Variants in RCSD1 observed in about 807,000 individuals in gnomAD.
The protein encoded by RCSD1 is capZ-interacting protein.
A neutral mutation model predicts 42.5 loss-of-function variants in RCSD1; 26 were observed. The observed-to-expected ratio is 0.61, with a 90% CI of 0.45 to 0.85. The LOEUF (loss-of-function observed/expected upper bound fraction) is 0.85, where lower values mean the gene tolerates loss of function less well. RCSD1 is among the 40% of genes least tolerant of loss of function. The pLI, the probability that RCSD1 is intolerant of heterozygous loss-of-function variation, is 0.00. For missense variants in RCSD1, 571 were observed against 528.3 expected (o/e 1.08, Z -0.79); for synonymous variants, 220 against 212.2 (o/e 1.04, Z -0.32).
intron 4 of RCSD1, among the ~76,000 whole-genome samples, chr1:167,693,470 A>G (rs1432320965): frequency 6.6e-6 from 1 of 152,082 alleles, no homozygotes; most frequent in Non-Finnish European, 1.5e-5. Flanking sequence ...GGCTCATACT[A>G]TGGTGTGTCC....
chr1:167,701,319 T>TA, intron 6 of RCSD1, among the ~76,000 whole-genome samples: 1 of 137,074 alleles, frequency 7.3e-6, no homozygotes, highest in Non-Finnish European at 1.6e-5. Context: ...TTTCTTTCTT[T>TA]TTTTTAGATG....
chr1:167,674,918 C>T (rs986413805), intron 1 of RCSD1, among the ~76,000 whole-genome samples: 2 of 152,090 alleles, frequency 1.3e-5, no homozygotes, highest in African/African-American at 4.8e-5. Context: ...CTAATAAAGA[C>T]ATATCCAGCC....
chr1:167,702,793 A>G (rs1213454361), intron 6 of RCSD1, among the ~76,000 whole-genome samples: 1 of 144,676 alleles, frequency 6.9e-6, no homozygotes, highest in Non-Finnish European at 1.5e-5. Context: ...TAAAATAAAT[A>G]CATAAATACA....
chr1:167,695,731 C>T (rs1224427717), intron 5 of RCSD1, among the ~76,000 whole-genome samples: 1 of 151,864 alleles, frequency 6.6e-6, no homozygotes, highest in African/African-American at 2.4e-5. Context: ...TGTCTTCAAC[C>T]AGGCTCCTGC....
chr1:167,700,981 A>G (rs1278393088), intron 6 of RCSD1, among the ~76,000 whole-genome samples: 1 of 152,200 alleles, frequency 6.6e-6, no homozygotes, highest in Non-Finnish European at 1.5e-5. Context: ...GGGAGGTCTC[A>G]GGTAGAAGAA....
chr1:167,697,744 G>T lies in RCSD1; in HGVS notation c.1120G>T (p.Gly374Trp), dbSNP rs146544065. The T allele has an allele frequency of 3.8e-6, 6 of 1,562,252 alleles. No individual in the cohort carries two copies. Among genetic ancestry groups the T allele is most frequent in the Non-Finnish European group, 5.2e-6 (6 of 1,156,200 alleles). Residue 374 changes from glycine to tryptophan, a missense_variant, in exon 6 of 7, where the codon GGG becomes TGG. Coordinates refer to ENST00000367854, the MANE Select transcript of RCSD1 (RefSeq NM_052862.4). The part of the protein sequence containing the change: ...QEKGKEKQQE[G>W]AVLEPGCSPQ... ...AAAAGGCAAGGAAAAACAACAGGAG[G>T]GGGCAGTGCTCGAGCCAGGCTGCAG...
intron 1 of RCSD1, among the ~76,000 whole-genome samples, chr1:167,633,030 T>A (rs1352534783): frequency 6.6e-6 from 1 of 152,228 alleles, no homozygotes. Flanking sequence ...AATTAAGTTA[T>A]ATTACTTCTC....
intron 1 of RCSD1, among the ~76,000 whole-genome samples, chr1:167,634,566 G>A (rs1201142117): frequency 6.6e-6 from 1 of 152,150 alleles, no homozygotes; most frequent in African/African-American, 2.4e-5. Flanking sequence ...GGAGCTGGAG[G>A]CGTATGATGT....
intron 1 of RCSD1, among the ~76,000 whole-genome samples, chr1:167,656,716 G>T (rs1253382746): frequency 1.3e-5 from 2 of 152,166 alleles, no homozygotes; most frequent in African/African-American, 2.4e-5. Flanking sequence ...CCATCTAAAG[G>T]CACTGGAGTT....
chr1:167,643,159 T>C (rs1658049927), intron 1 of RCSD1, among the ~76,000 whole-genome samples: 1 of 152,228 alleles, frequency 6.6e-6, no homozygotes, highest in Non-Finnish European at 1.5e-5. Context: ...TGAAAGTACC[T>C]TGAAGCGTTC....
chr1:167,690,271 G>A (rs981927373), intron 4 of RCSD1, 151 bp downstream of exon 4: 16 of 669,350 alleles, frequency 2.4e-5, no homozygotes, highest in Middle Eastern at 3.4e-4. Flanking sequence ...TGCAGTAAAC[G>A]ATAAGGATCT....
intron 1 of RCSD1, among the ~76,000 whole-genome samples, chr1:167,632,069 G>A (rs1239214806): frequency 1.3e-5 from 2 of 152,242 alleles, no homozygotes; most frequent in African/African-American, 4.8e-5. Flanking sequence ...AAGCTCAGCA[G>A]GTGGTGTGCA....
At chr1:167,688,045 T>G (rs1481723859) in intron 3 of RCSD1, among the ~76,000 whole-genome samples, 1 of 152,230 alleles carries the variant, frequency 6.6e-6, no homozygotes, top group Non-Finnish European at 1.5e-5. Context: ...TCCACCGGAT[T>G]GTTAGTCTCA....
Position 167,685,483 on chromosome 1 carries a change from G to A in RCSD1, c.171G>A (p.Lys57=). Residue 57 remains lysine (K), a synonymous_variant, in exon 3 of 7, where the codon AAG becomes AAA. Transcript: ENST00000367854. ...PPCSLPLFPP[K]VDLGQNGEEK... ...GTTCCCTCCCCCTGTTCCCCCCCAA[G>A]GTAGACCTGGGCCAGAATGGTGAGG... is the stretch of plus-strand genomic sequence containing the variant. The A allele has an allele frequency of 6.2e-7, 1 of 1,613,874 alleles. No individual in the cohort carries two copies.
At chr1:167,676,613 T>C (rs114252341) in intron 1 of RCSD1, among the ~76,000 whole-genome samples, 2,879 of 152,134 alleles carry the variant, frequency 0.019, 46 homozygotes, top group Non-Finnish European at 0.028. Context: ...CACCATCATC[T>C]CCCAAATTAC....
Position 167,636,548 on chromosome 1 carries a change from A to G in RCSD1, c.6+6119A>G, listed in dbSNP as rs78095119. ...AATCTTTTATAATTAATCATTAATG[A>G]TTCACGGCATGCCATGCACTAGCTT... On this transcript the variant is annotated intron_variant, in intron 1 of 6. Transcript: ENST00000367854. Among the ~76,000 whole-genome samples, 117 of 151,896 alleles carry G rather than the reference A, an allele frequency of 7.7e-4. 1 individual carries two copies. In the East Asian group the frequency reaches 0.02, roughly 26 times the overall value.
chr1:167,670,373 A>AAAT (rs1658774743), intron 1 of RCSD1, among the ~76,000 whole-genome samples: 1 of 148,496 alleles, frequency 6.7e-6, no homozygotes, highest in Non-Finnish European at 1.5e-5. Context: ...AAAAAAAAAA[A>AAAT]CCACTCGAGC....
rs192458459 is a variant in RCSD1 at position 167,700,608 on chromosome 1, G to A, written c.1218+2766G>A. Among the ~76,000 whole-genome samples, 996 of 150,020 alleles carry A rather than the reference G, an allele frequency of 6.6e-3. 17 individuals carry two copies. The highest frequency in any genetic ancestry group is 0.024 in the African/African-American group (958 of 40,706). Reference sequence around the variant, plus strand: ...GGAGCTTGCAGTGAGCGGAAATCGCGCCACTGCACTCCAGCCTAGGTGACA... The same window carrying A: ...GGAGCTTGCAGTGAGCGGAAATCGCACCACTGCACTCCAGCCTAGGTGACA... On this transcript the variant is annotated intron_variant, in intron 6 of 6. Transcript: ENST00000367854.
At chr1:167,691,943 G>A (rs942399292) in intron 4 of RCSD1, among the ~76,000 whole-genome samples, 1 of 152,186 alleles carries the variant, frequency 6.6e-6, no homozygotes, top group Non-Finnish European at 1.5e-5. Context: ...GCTGAGGGAT[G>A]TAGCCCCAGA....
Sources: gnomAD v4.1 joint callset for allele counts (sites outside exome capture counted in the v4.1 genomes callset) on GRCh38, gnomAD v4.1.1 for gene constraint, MANE v1.5 for transcripts, NCBI Gene and HGNC (gene_info 2026-07-23, HGNC 2026-07-21) for gene names.